JAKMIP2: variants seen among roughly 807,000 people sequenced by gnomAD.
JAKMIP2 encodes the protein janus kinase and microtubule-interacting protein 2.
JAKMIP2 carries 25 observed loss-of-function variants against 115.0 expected under a neutral mutation model. That is an observed-to-expected ratio of 0.22 (90% confidence interval 0.16 to 0.30). The LOEUF (loss-of-function observed/expected upper bound fraction) is 0.30, where lower values mean the gene tolerates loss of function less well. JAKMIP2 is among the 10% of genes least tolerant of loss of function. The pLI is 1.00. For synonymous variants in JAKMIP2, 334 were observed against 343.6 expected (o/e 0.97, Z 0.31); for missense variants, 642 against 957.6 (o/e 0.67, Z 4.35).
At chr5:147,644,034 G>T in intron 7 of JAKMIP2, 24 bp downstream of exon 7, 2 of 1,520,404 alleles carry the variant, frequency 1.3e-6, no homozygotes, top group Non-Finnish European at 1.8e-6. Flanking sequence ...ACAACTTAGG[G>T]TTTACAGATT....
chr5:147,682,361 G>T (rs1760333606), intron 1 of JAKMIP2, among the ~76,000 whole-genome samples: 1 of 152,230 alleles, frequency 6.6e-6, no homozygotes, highest in South Asian at 2.1e-4. Flanking sequence ...GTCACTGGAG[G>T]ATTTCACATA....
At chr5:147,725,146 C>A (rs1753467033) in intron 1 of JAKMIP2, among the ~76,000 whole-genome samples, 1 of 152,118 alleles carries the variant, frequency 6.6e-6, no homozygotes. Context: ...GACACTCCCA[C>A]CGTGCCATGA....
intron 17 of JAKMIP2, 21 bp from the exon 18 acceptor site, chr5:147,620,764 G>A (rs41291413): frequency 0.063 from 99,070 of 1,566,580 alleles, 3,647 homozygotes; most frequent in Non-Finnish European, 0.077. Flanking sequence ...GGGCCATATT[G>A]ATAGAGTCAG....
At chr5:147,634,699 TG>T (rs1479424658) in intron 12 of JAKMIP2, among the ~76,000 whole-genome samples, 11 of 152,024 alleles carry the variant, frequency 7.2e-5, no homozygotes, top group African/African-American at 2.7e-4. Context: ...CTGCCCACTC[TG>T]TATATAACAT....
chr5:147,654,194 G>T (rs1758552185), intron 3 of JAKMIP2, among the ~76,000 whole-genome samples: 1 of 150,914 alleles, frequency 6.6e-6, no homozygotes, highest in South Asian at 2.1e-4. Context: ...GGCTATATGG[G>T]CTCTTTTTGG....
chr5:147,620,402 C>T (rs1756793913), intron 18 of JAKMIP2, among the ~76,000 whole-genome samples: 2 of 152,128 alleles, frequency 1.3e-5, no homozygotes, highest in Admixed American at 1.3e-4. Context: ...ATGCATGAGG[C>T]ACCACGTCTG....
intron 1 of JAKMIP2, among the ~76,000 whole-genome samples, chr5:147,751,858 C>G (rs900635087): frequency 3.3e-5 from 5 of 152,132 alleles, no homozygotes; most frequent in African/African-American, 1.2e-4. Flanking sequence ...GGTGCTGTGG[C>G]TTACACTGAT....
At chr5:147,768,945 C>G (rs1416543584) in intron 1 of JAKMIP2, among the ~76,000 whole-genome samples, 1 of 152,076 alleles carries the variant, frequency 6.6e-6, no homozygotes, top group African/African-American at 2.4e-5. Flanking sequence ...TGATCTTTAT[C>G]CCATACACCT....
chr5:147,651,376 A>C (rs1404080297), intron 3 of JAKMIP2, among the ~76,000 whole-genome samples: 1 of 152,174 alleles, frequency 6.6e-6, no homozygotes, highest in Non-Finnish European at 1.5e-5. Flanking sequence ...CTTGGAATGA[A>C]ACCTTTTTGC....
intron 13 of JAKMIP2, 75 bp from the exon 14 acceptor site, chr5:147,631,586 T>A: frequency 1.1e-6 from 1 of 932,918 alleles, no homozygotes; most frequent in Non-Finnish European, 1.7e-6. Flanking sequence ...GTGGTCTCTT[T>A]ATGCTATTTC....
intron 1 of JAKMIP2, among the ~76,000 whole-genome samples, chr5:147,687,693 AC>A (rs1760638278): frequency 6.6e-6 from 1 of 152,236 alleles, no homozygotes; most frequent in Non-Finnish European, 1.5e-5. Flanking sequence ...CTTACCCTTC[AC>A]ACGACAGGTA....
At chr5:147,671,656 A>G in intron 2 of JAKMIP2, 22 bp downstream of exon 2, 1 of 1,378,494 alleles carries the variant, frequency 7.3e-7, no homozygotes. Flanking sequence ...TAATGCCACG[A>G]CCTCAGGTAG....
At chr5:147,725,243 C>T (rs1753471842) in intron 1 of JAKMIP2, among the ~76,000 whole-genome samples, 2 of 152,086 alleles carry the variant, frequency 1.3e-5, no homozygotes, top group African/African-American at 4.8e-5. Flanking sequence ...AACTGCCCAC[C>T]CCTTTCCTGG....
At chr5:147,608,953 T>G (rs370337039) in intron 20 of JAKMIP2, among the ~76,000 whole-genome samples, 82 of 152,292 alleles carry the variant, frequency 5.4e-4, no homozygotes, top group African/African-American at 1.9e-3. Context: ...TTTTTTGATT[T>G]TTGTTGGTTT....
At chr5:147,715,911 G>A (rs1189540574) in intron 1 of JAKMIP2, among the ~76,000 whole-genome samples, 1 of 137,570 alleles carries the variant, frequency 7.3e-6, no homozygotes, top group African/African-American at 2.7e-5. Context: ...AGTTACATAT[G>A]TATACATGTG....
chr5:147,732,176 A>T (rs1443154667), intron 1 of JAKMIP2, among the ~76,000 whole-genome samples: 1 of 152,096 alleles, frequency 6.6e-6, no homozygotes, highest in Non-Finnish European at 1.5e-5. Context: ...GCACTTCCAA[A>T]TTTTTACCCC....
intron 1 of JAKMIP2, 27 bp from the exon 2 acceptor site, chr5:147,671,981 T>C (rs974982467): frequency 1.4e-5 from 17 of 1,239,286 alleles, no homozygotes; most frequent in Admixed American, 4.3e-5. Context: ...ATAGTAGTTA[T>C]TGTTTTGGCA....
intron 1 of JAKMIP2, among the ~76,000 whole-genome samples, chr5:147,675,823 CTTTAGCATAATGTT>C (rs1759919138): frequency 7.1e-6 from 1 of 141,718 alleles, no homozygotes; most frequent in African/African-American, 2.6e-5. Context: ...GCTTCTTCCA[CTTTAGCATAATGTT>C]TTCCAGGTTC....
intron 1 of JAKMIP2, 95 bp from the exon 2 acceptor site, chr5:147,672,049 T>C (rs1023827391): frequency 6.0e-5 from 52 of 864,520 alleles, no homozygotes; most frequent in Non-Finnish European, 6.5e-5. Flanking sequence ...TGTAAGAGCC[T>C]CCTCCTGAGG....
Sources: gnomAD v4.1 joint callset for allele counts (sites outside exome capture counted in the v4.1 genomes callset) on GRCh38, gnomAD v4.1.1 for gene constraint, MANE v1.5 for transcripts, NCBI Gene and HGNC (gene_info 2026-07-23, HGNC 2026-07-21) for gene names.